The following RPS6KA2 variants were observed in gnomAD, a reference collection of about 807,000 sequenced individuals.
The protein encoded by RPS6KA2 is ribosomal protein S6 kinase alpha-2.
Under a neutral mutation model 91.8 loss-of-function variants are expected in RPS6KA2, and 42 were observed. The observed-to-expected ratio is 0.46, with a 90% CI of 0.36 to 0.59. RPS6KA2 has a LOEUF of 0.59. Among genes scored for constraint, RPS6KA2 ranks in the 20% least tolerant of loss-of-function variants. The pLI, the probability that RPS6KA2 is intolerant of heterozygous loss-of-function variation, is 0.00. For synonymous variants in RPS6KA2, 414 were observed against 393.6 expected (o/e 1.05, Z -0.61); for missense variants, 798 against 978.5 (o/e 0.82, Z 2.46).
At chr6:166,836,734 A>G (rs565691800) in intron 2 of RPS6KA2, among the ~76,000 whole-genome samples, 1 of 152,286 alleles carries the variant, frequency 6.6e-6, no homozygotes, top group African/African-American at 2.4e-5. Flanking sequence ...AGTCTCGAGG[A>G]CAGGTTGGCT....
intron 1 of RPS6KA2, among the ~76,000 whole-genome samples, chr6:166,609,090 A>G (rs1181558874): frequency 6.6e-6 from 1 of 152,166 alleles, no homozygotes; most frequent in African/African-American, 2.4e-5. Context: ...TAAGGAATGG[A>G]AATATAGGGA....
At chr6:166,683,117 C>T (rs1356096702) in intron 2 of RPS6KA2, among the ~76,000 whole-genome samples, 1 of 152,214 alleles carries the variant, frequency 6.6e-6, no homozygotes, top group African/African-American at 2.4e-5. Flanking sequence ...GATCCAAGCG[C>T]TGCTCAGGGG....
chr6:166,591,998 T>C (rs970381369), intron 1 of RPS6KA2, among the ~76,000 whole-genome samples: 1 of 152,110 alleles, frequency 6.6e-6, no homozygotes, highest in African/African-American at 2.4e-5. Flanking sequence ...CACTCAGAGC[T>C]TAGACAATGA....
chr6:166,702,081 G>A (rs1224032278), intron 2 of RPS6KA2: 2 of 1,373,024 alleles, frequency 1.5e-6, no homozygotes, highest in African/African-American at 1.4e-5. Context: ...GTGCCTTCAG[G>A]AGTAGAGAGG....
Position 166,678,989 on chromosome 6 carries a change from C to T in RPS6KA2, c.124-140205G>A, listed in dbSNP as rs1338034509. Among the ~76,000 whole-genome samples, 3 of 152,132 alleles carry T rather than the reference C, an allele frequency of 2.0e-5. No homozygotes were observed. The East Asian group carries it at 5.8e-4, about 29-fold the overall frequency. On this transcript the variant is annotated intron_variant, in intron 2 of 21. Coordinates refer to the RPS6KA2 transcript ENST00000503859. The stretch of plus-strand genomic sequence containing the variant: ...TGATCATGGTCATTAGTAGATAAAA[C>T]CGTATTTGTTTACAAGTAATATTAA...
intron 1 of RPS6KA2, among the ~76,000 whole-genome samples, chr6:166,573,781 TC>T (rs1366561480): frequency 2.0e-5 from 3 of 152,162 alleles, no homozygotes; most frequent in Admixed American, 2.0e-4. Context: ...TCTGGGAACT[TC>T]CCAGTTTTGA....
At chr6:166,501,737 T>C (rs10946175) in intron 6 of RPS6KA2, among the ~76,000 whole-genome samples, 4,388 of 152,246 alleles carry the variant, frequency 0.029, 109 homozygotes, top group Admixed American at 0.085. Context: ...CCCTAAACTT[T>C]CCCCATTTAT....
At chr6:166,656,061 C>T (rs1481811763) in intron 2 of RPS6KA2, among the ~76,000 whole-genome samples, 2 of 152,194 alleles carry the variant, frequency 1.3e-5, no homozygotes, top group Non-Finnish European at 2.9e-5. Flanking sequence ...ACAGCACACA[C>T]CTCTAAACAC....
At chr6:166,731,271 C>T (rs1790507773) in intron 2 of RPS6KA2, among the ~76,000 whole-genome samples, 1 of 137,162 alleles carries the variant, frequency 7.3e-6, no homozygotes, top group Admixed American at 7.3e-5. Context: ...AAAAGCCATC[C>T]AAAGTGTGTT....
At chr6:166,436,266 A>T (rs1313787562) in intron 14 of RPS6KA2, among the ~76,000 whole-genome samples, 3 of 148,120 alleles carry the variant, frequency 2.0e-5, no homozygotes, top group East Asian at 4.2e-4. Context: ...AAGCAGTGTG[A>T]TGTTTAAAAC....
intron 2 of RPS6KA2, among the ~76,000 whole-genome samples, chr6:166,841,793 A>C (rs2128630040): frequency 6.6e-6 from 1 of 152,326 alleles, no homozygotes; most frequent in African/African-American, 2.4e-5. Context: ...CACTCTCTAA[A>C]GAGATGAGGA....
intron 2 of RPS6KA2, among the ~76,000 whole-genome samples, chr6:166,794,824 G>T (rs934501501): frequency 3.5e-5 from 5 of 143,544 alleles, no homozygotes; most frequent in African/African-American, 1.0e-4. Context: ...ATGGACACAG[G>T]AAGGGGAACA....
chr6:166,776,799 G>A (rs572782323), intron 2 of RPS6KA2, among the ~76,000 whole-genome samples: 4 of 152,278 alleles, frequency 2.6e-5, no homozygotes, highest in South Asian at 4.1e-4. Flanking sequence ...CAGTTTGTGC[G>A]TCCATTCATC....
intron 2 of RPS6KA2, among the ~76,000 whole-genome samples, chr6:166,748,360 T>C (rs1451222736): frequency 6.6e-6 from 1 of 152,090 alleles, no homozygotes; most frequent in Non-Finnish European, 1.5e-5. Flanking sequence ...AATGGGTGTT[T>C]CTGCGGTGTC....
intron 1 of RPS6KA2, among the ~76,000 whole-genome samples, chr6:166,582,479 A>C (rs1471525532): frequency 1.3e-5 from 2 of 152,240 alleles, no homozygotes; most frequent in Non-Finnish European, 2.9e-5. Context: ...GCGGAGATGA[A>C]TATGCAGCCA....
At chr6:166,668,292 G>A (rs1788374752) in intron 2 of RPS6KA2, among the ~76,000 whole-genome samples, 1 of 152,154 alleles carries the variant, frequency 6.6e-6, no homozygotes, top group African/African-American at 2.4e-5. Flanking sequence ...CCCTTGTGTG[G>A]GGCCCTTGGC....
rs113616969 is a variant in RPS6KA2, at chr6:166,457,399, A to G, written c.1075+2050T>C. On this transcript the variant is annotated intron_variant, in intron 12 of 20. Coordinates refer to ENST00000265678, the MANE Select transcript of RPS6KA2 (RefSeq NM_021135.6). ...TTAAGTTTGTCAATGGGAAGGACCA[A>G]CCCCAACACACAAATACTTTCTAAG... Among the ~76,000 whole-genome samples the G allele has an allele frequency of 6.7e-3, 1,019 of 152,304 alleles. 10 individuals carry two copies. Among genetic ancestry groups the G allele is most frequent in the African/African-American group, 0.023 (947 of 41,552 alleles).
intron 8 of RPS6KA2, among the ~76,000 whole-genome samples, chr6:166,497,469 C>T (rs1048785952): frequency 2.6e-5 from 4 of 152,228 alleles, no homozygotes; most frequent in Admixed American, 1.3e-4. Flanking sequence ...GGCCCATCTC[C>T]GGAGCTGGTC....
At chr6:166,556,247 G>A (rs899214370) in intron 1 of RPS6KA2, among the ~76,000 whole-genome samples, 17 of 152,114 alleles carry the variant, frequency 1.1e-4, no homozygotes, top group African/African-American at 4.1e-4. Flanking sequence ...TTCTCTGCTC[G>A]GGTTCAGACA....
Sources: allele counts gnomAD v4.1 joint callset (sites outside exome capture counted in the v4.1 genomes callset), GRCh38; gene constraint gnomAD v4.1.1; transcripts MANE v1.5; gene names NCBI Gene and HGNC (gene_info 2026-07-23, HGNC 2026-07-21).